Variants in SNRNP48 observed in about 807,000 individuals in gnomAD.
SNRNP48 encodes the protein U11/U12 small nuclear ribonucleoprotein 48 kDa protein.
Under a neutral mutation model 47.0 loss-of-function variants are expected in SNRNP48, and 43 were observed. The observed-to-expected ratio is 0.92, with a 90% CI of 0.72 to 1.18. The LOEUF is 1.18. SNRNP48 is among the 50% of genes most tolerant of loss of function. The probability of loss-of-function intolerance (pLI) is 0.00; values close to 1 mark genes in which losing one functional copy is unlikely to be tolerated. For missense variants in SNRNP48, 396 were observed against 422.2 expected (o/e 0.94, Z 0.54); for synonymous variants, 138 against 144.0 (o/e 0.96, Z 0.30).
At chr6:7,593,047 T>G (rs1472846511) in intron 1 of SNRNP48, among the ~76,000 whole-genome samples, 2 of 152,156 alleles carry the variant, frequency 1.3e-5, no homozygotes, top group East Asian at 3.9e-4. Flanking sequence ...GAACTTTTAG[T>G]GTCTTTAATA....
rs142066516 is a variant in SNRNP48 at position 7,606,065 on chromosome 6, C to T, written c.841C>T (p.Arg281Trp). ...EERRSASVDS[R>W]QSGGSYLDAE... ...AAGGCGATCAGCTTCAGTAGATTCA[C>T]GGCAGTCTGGTGGAAGCTATTTGGA... Residue 281 changes from arginine (R) to tryptophan (W), a missense_variant, in exon 8 of 9, where the codon CGG becomes TGG. By Grantham distance (101) the Arg-to-Trp change is moderately radical. Coordinates refer to ENST00000342415, the MANE Select transcript of SNRNP48 (RefSeq NM_152551.4). 28 of 1,610,100 alleles carry T rather than the reference C, an allele frequency of 1.7e-5. No individual in the cohort carries two copies. The highest frequency in any genetic ancestry group is 1.4e-4 in the South Asian group (13 of 90,366).
chr6:7,594,046 T>G, intron 2 of SNRNP48, 53 bp from the exon 3 acceptor site: 1 of 1,173,522 alleles, frequency 8.5e-7, no homozygotes, highest in Non-Finnish European at 1.2e-6. Context: ...AGGTCAAGTC[T>G]TAAAATAGTC....
chr6:7,606,282 A>G, intron 8 of SNRNP48, 87 bp downstream of exon 8: 1 of 1,304,698 alleles, frequency 7.7e-7, no homozygotes, highest in Non-Finnish European at 1.0e-6. Flanking sequence ...ATGCTGAGAA[A>G]ATAGATTTTA....
In SNRNP48 at chr6:7,594,096, C is replaced by A; in HGVS notation, c.271-3C>A. 2 of 1,421,890 alleles carry A rather than the reference C, an allele frequency of 1.4e-6. No homozygotes were observed. The highest frequency in any genetic ancestry group is 1.9e-6 in the Non-Finnish European group (2 of 1,053,406). 88.1% of individuals were successfully genotyped at this position (1,421,890 alleles called of 1,614,324 possible). ...TAAGAACAGTAAGATTCTTTTTTTT[C>A]AGGATGAAATGTATAATCCTGAGTT... On this transcript the variant is annotated splice_polypyrimidine_tract_variant and splice_region_variant and intron_variant, in intron 2 of 8. Coordinates refer to ENST00000342415, the MANE Select transcript of SNRNP48 (RefSeq NM_152551.4).
At position 7,610,783 on chromosome 6, in the gene SNRNP48, C is replaced by T. The variant is rs1017671749; in HGVS notation, c.*1910C>T. 4.6e-5 allele frequency: 7 copies of T among 152,132 alleles called. No individual in the cohort carries two copies. The highest frequency in any genetic ancestry group is 1.4e-4 in the African/African-American group (6 of 41,426). The allele number at this position is 152,132 out of a possible 1,614,324, so 9.4% of individuals were successfully genotyped here. A position where few individuals can be genotyped will look rare whatever the true frequency, so the allele number is the denominator to read the frequency against. On this transcript the variant is annotated 3_prime_UTR_variant, in exon 9 of 9. Transcript: ENST00000342415. ...AAATGTGGCATCGGGTGAAAAGAGG[C>T]ATTTGTTTGATCCTTGAACGAATTA...
Position 7,611,487 on chromosome 6 carries a change from T to C in SNRNP48, c.*2614T>C, listed in dbSNP as rs1760234014. 6.6e-6 allele frequency: 1 copy of C among 152,222 alleles called. No individual in the cohort carries two copies. The highest frequency in any genetic ancestry group is 1.5e-5 in the Non-Finnish European group (1 of 68,048). 9.4% of individuals were successfully genotyped at this position (152,222 alleles called of 1,614,324 possible). ...GTGCCTAGTCACTTTAATTGAGATA[T>C]TGGCAAGTCAACTGCCATGCAGAGC... On this transcript the variant is annotated 3_prime_UTR_variant, in exon 9 of 9. Transcript: ENST00000342415.
intron 4 of SNRNP48, among the ~76,000 whole-genome samples, chr6:7,598,946 A>C (rs1031524995): frequency 6.6e-6 from 1 of 152,146 alleles, no homozygotes; most frequent in Non-Finnish European, 1.5e-5. Context: ...TTTTTCTTTC[A>C]ATATTAAATA....
chr6:7,592,585 A>G (rs1414276329), intron 1 of SNRNP48, among the ~76,000 whole-genome samples: 1 of 152,120 alleles, frequency 6.6e-6, no homozygotes, highest in Non-Finnish European at 1.5e-5. Context: ...AGGTCCTGCT[A>G]TTATTTTTAT....
chr6:7,606,084 A>G lies in SNRNP48; in HGVS notation c.860A>G (p.Tyr287Cys). 1.2e-6 allele frequency: 2 copies of G among 1,612,984 alleles called. No individual in the cohort carries two copies. Among genetic ancestry groups the G allele is most frequent in the Non-Finnish European group, 1.7e-6 (2 of 1,179,722 alleles). The stretch of plus-strand genomic sequence containing the variant: ...GATTCACGGCAGTCTGGTGGAAGCT[A>G]TTTGGATGCTGAGTGTTCACGACAT... The part of the protein sequence containing the change: ...SVDSRQSGGS[Y>C]LDAECSRHRR... Residue 287 changes from tyrosine (Y) to cysteine (C), a missense_variant, in exon 8 of 9, where the codon TAT becomes TGT. Tyr to Cys is a radical substitution (Grantham distance 194, BLOSUM62 -2). Coordinates refer to ENST00000342415, the MANE Select transcript of SNRNP48 (RefSeq NM_152551.4).
intron 3 of SNRNP48, 45 bp from the exon 4 acceptor site, chr6:7,594,982 A>G (rs370504070): frequency 1.0e-4 from 156 of 1,487,608 alleles, no homozygotes; most frequent in Non-Finnish European, 1.3e-4. Context: ...AATTGTGGTC[A>G]CTGATGATTC....
chr6:7,593,954 CCTTA>C, intron 2 of SNRNP48, 107 bp downstream of exon 2: 1 of 1,015,390 alleles, frequency 9.8e-7, no homozygotes, highest in East Asian at 2.7e-5. Context: ...AAATAATAGC[CCTTA>C]CTTGAAGGGT....
intron 4 of SNRNP48, among the ~76,000 whole-genome samples, chr6:7,598,089 G>C (rs984649538): frequency 6.6e-6 from 1 of 151,600 alleles, no homozygotes; most frequent in East Asian, 2.0e-4. Flanking sequence ...CGATGGTCTC[G>C]ATCTCCTGAC....
chr6:7,606,101 T>C lies in SNRNP48; in HGVS notation c.877T>C (p.Ser293Pro). 6.2e-7 allele frequency: 1 copy of C among 1,613,722 alleles called. No individual in the cohort carries two copies. The highest frequency in any genetic ancestry group is 1.1e-5 in the South Asian group (1 of 91,026). ...SGGSYLDAEC[S>P]RHRRDRSRSP... ...TGGAAGCTATTTGGATGCTGAGTGT[T>C]CACGACATAGAAGGGATAGGAGTAG... The change falls in exon 8 of 9, where the codon TCA becomes CCA. Residue 293 changes from serine (S) to proline (P), a missense_variant. By Grantham distance (74) the Ser-to-Pro change is moderately conservative. Transcript: ENST00000342415.
chr6:7,599,934 T>G lies in SNRNP48; in HGVS notation c.407-1402T>G, dbSNP rs940095537. On this transcript the variant is annotated intron_variant, in intron 4 of 8. Transcript: ENST00000342415. ...AATTTAAGAAGGAAATTATATTTCT[T>G]TGTTTAAAAATAACAGGCAAAGGTT... 7 of 998,930 alleles carry G rather than the reference T, an allele frequency of 7.0e-6. No homozygotes were observed. The African/African-American group carries it at 1.2e-4, about 17-fold the overall frequency. 61.9% of individuals were successfully genotyped at this position (998,930 alleles called of 1,614,324 possible).
At chr6:7,596,324 T>C (rs938270833) in intron 4 of SNRNP48, among the ~76,000 whole-genome samples, 1 of 152,178 alleles carries the variant, frequency 6.6e-6, no homozygotes, top group Non-Finnish European at 1.5e-5. Flanking sequence ...CTAATGAATG[T>C]AGATATGACA....
rs768949549 is a variant in SNRNP48 at position 7,590,235 on chromosome 6, C to T, written c.-23C>T. The stretch of plus-strand genomic sequence containing the variant: ...GTGCGGTCTGCAGTTCGGCCGCTTC[C>T]TCTTGGCGGGTGGGCTGCAGCTATG... On this transcript the variant is annotated 5_prime_UTR_variant, in exon 1 of 9. Transcript: ENST00000342415. The T allele has an allele frequency of 4.2e-5, 55 of 1,300,296 alleles. No homozygotes were observed. Among genetic ancestry groups the T allele is most frequent in the Non-Finnish European group, 4.8e-5 (49 of 1,016,404 alleles). The allele number at this position is 1,300,296 out of a possible 1,614,324, so 80.5% of individuals were successfully genotyped here. A position where few individuals can be genotyped will look rare whatever the true frequency, so the allele number is the denominator to read the frequency against.
At chr6:7,602,308 C>T (rs1318059844) in intron 5 of SNRNP48, among the ~76,000 whole-genome samples, 1 of 152,074 alleles carries the variant, frequency 6.6e-6, no homozygotes, top group Non-Finnish European at 1.5e-5. Context: ...TGCATGGATA[C>T]TGAGGGATAT....
At chr6:7,604,280 G>A (rs1314162526) in intron 6 of SNRNP48, among the ~76,000 whole-genome samples, 3 of 152,328 alleles carry the variant, frequency 2.0e-5, no homozygotes, top group African/African-American at 2.4e-5. Context: ...CATATCTTAG[G>A]TTTTCCATGG....
At chr6:7,596,885 T>C (rs1759913771) in intron 4 of SNRNP48, among the ~76,000 whole-genome samples, 1 of 152,168 alleles carries the variant, frequency 6.6e-6, no homozygotes, top group African/African-American at 2.4e-5. Flanking sequence ...AGGACTTTAT[T>C]TGAGTCTTAA....
Sources: allele counts gnomAD v4.1 joint callset (sites outside exome capture counted in the v4.1 genomes callset), GRCh38; gene constraint gnomAD v4.1.1; transcripts MANE v1.5; gene names NCBI Gene and HGNC (gene_info 2026-07-23, HGNC 2026-07-21).